Variants in EBF1 observed in about 807,000 individuals in gnomAD.
The protein encoded by EBF1 is EBF transcription factor 1.
EBF1 carries 10 observed loss-of-function variants against 68.4 expected under a neutral mutation model. That is an observed-to-expected ratio of 0.15 (90% CI 0.09 to 0.25). EBF1 has a LOEUF of 0.25. Ranked by LOEUF, EBF1 falls within the 10% of genes least tolerant of loss-of-function variation. The probability of loss-of-function intolerance (pLI) is 1.00; values close to 1 mark genes in which losing one functional copy is unlikely to be tolerated. For synonymous variants in EBF1, 298 were observed against 299.8 expected (o/e 0.99, Z 0.06); for missense variants, 509 against 794.4 (o/e 0.64, Z 4.32).
intron 6 of EBF1, among the ~76,000 whole-genome samples, chr5:159,072,091 G>A (rs1777894914): frequency 6.6e-6 from 1 of 152,140 alleles, no homozygotes; most frequent in African/African-American, 2.4e-5. Context: ...TCTATAGGTA[G>A]CACACACATC....
chr5:158,975,745 G>T (rs1756602278), intron 6 of EBF1, among the ~76,000 whole-genome samples: 1 of 152,172 alleles, frequency 6.6e-6, no homozygotes, highest in Non-Finnish European at 1.5e-5. Context: ...ACAACTGGGG[G>T]GTCAGAGCTG....
chr5:158,869,744 T>C (rs1246600632), intron 6 of EBF1, among the ~76,000 whole-genome samples: 1 of 152,204 alleles, frequency 6.6e-6, no homozygotes, highest in Non-Finnish European at 1.5e-5. Flanking sequence ...ATGCATGACA[T>C]ATTCACTACT....
Position 159,099,617 on chromosome 5 carries a change from C to A in EBF1, c.-139G>T. 1 of 1,206,206 alleles carries A rather than the reference C, an allele frequency of 8.3e-7. No homozygotes were observed. Among genetic ancestry groups the A allele is most frequent in the Non-Finnish European group, 1.1e-6 (1 of 910,202 alleles). The allele number at this position is 1,206,206 out of a possible 1,614,324, so 74.7% of individuals were successfully genotyped here. ...TTTTTTTTCTCAGACGATGAACTCG[C>A]ACTTAGAAGATCAAGGCGGGCTGGA... is the stretch of plus-strand genomic sequence containing the variant. On this transcript the variant is annotated 5_prime_UTR_variant, in exon 1 of 16. Coordinates refer to ENST00000313708, the MANE Select transcript of EBF1 (RefSeq NM_024007.5).
At chr5:158,777,052 G>A (rs1018917497) in intron 10 of EBF1, among the ~76,000 whole-genome samples, 6 of 152,154 alleles carry the variant, frequency 3.9e-5, no homozygotes, top group African/African-American at 1.2e-4. Context: ...GAGGAAAGAC[G>A]TACTGTTCAT....
intron 5 of EBF1, chr5:159,073,699 G>C: frequency 9.6e-6 from 5 of 521,524 alleles, no homozygotes; most frequent in Non-Finnish European, 3.4e-6. Context: ...CTCTCCCAGA[G>C]CCAAGACTCA....
At chr5:158,811,592 A>G (rs939400760) in intron 8 of EBF1, among the ~76,000 whole-genome samples, 3 of 152,200 alleles carry the variant, frequency 2.0e-5, no homozygotes, top group Non-Finnish European at 2.9e-5. Context: ...AAAAGAGATC[A>G]TACAAAGTGC....
intron 6 of EBF1, among the ~76,000 whole-genome samples, chr5:159,031,227 G>A (rs1768778852): frequency 6.6e-6 from 1 of 152,190 alleles, no homozygotes; most frequent in South Asian, 2.1e-4. Flanking sequence ...GCTGGGATGT[G>A]GAGAAGAGGT....
intron 6 of EBF1, among the ~76,000 whole-genome samples, chr5:158,969,179 GTAATCTCAGC>G (rs1340800330): frequency 6.6e-6 from 1 of 152,068 alleles, no homozygotes; most frequent in East Asian, 1.9e-4. Flanking sequence ...GTGTGCACCT[GTAATCTCAGC>G]TACACAGGAG....
chr5:158,776,223 G>C (rs915347483), intron 10 of EBF1, among the ~76,000 whole-genome samples: 1 of 151,954 alleles, frequency 6.6e-6, no homozygotes, highest in African/African-American at 2.4e-5. Context: ...AAAACTAATC[G>C]TCAGGCAGGC....
At chr5:158,850,542 C>T (rs1433357800) in intron 6 of EBF1, among the ~76,000 whole-genome samples, 1 of 152,122 alleles carries the variant, frequency 6.6e-6, no homozygotes, top group African/African-American at 2.4e-5. Flanking sequence ...CCACTTGGAC[C>T]AGAGGGGCAT....
At chr5:158,940,261 G>A (rs569262767) in intron 6 of EBF1, among the ~76,000 whole-genome samples, 6 of 152,308 alleles carry the variant, frequency 3.9e-5, no homozygotes, top group African/African-American at 7.2e-5. Context: ...TGTGCAGGAC[G>A]GTTTCTCAGT....
intron 6 of EBF1, among the ~76,000 whole-genome samples, chr5:159,043,023 T>C (rs373442713): frequency 5.3e-5 from 8 of 152,296 alleles, no homozygotes; most frequent in Middle Eastern, 3.4e-3. Flanking sequence ...ATAATAATAG[T>C]AGCTGATATT....
intron 6 of EBF1, among the ~76,000 whole-genome samples, chr5:159,067,521 T>G (rs73305710): frequency 0.01 from 1,558 of 152,340 alleles, 26 homozygotes; most frequent in African/African-American, 0.036. Flanking sequence ...TATGATACAT[T>G]GTCAGCGTAT....
At chr5:158,761,286 C>G (rs934172049) in intron 10 of EBF1, among the ~76,000 whole-genome samples, 3 of 152,190 alleles carry the variant, frequency 2.0e-5, no homozygotes, top group Non-Finnish European at 4.4e-5. Context: ...ATCAGCAAAT[C>G]AAATCATGTA....
intron 5 of EBF1, among the ~76,000 whole-genome samples, chr5:159,080,039 C>T (rs1019044829): frequency 2.4e-4 from 36 of 152,268 alleles, no homozygotes; most frequent in African/African-American, 8.4e-4. Context: ...TCTTTCTATT[C>T]TCCCTCCCTT....
intron 10 of EBF1, among the ~76,000 whole-genome samples, chr5:158,774,542 G>T (rs1404543816): frequency 6.6e-6 from 1 of 152,022 alleles, no homozygotes; most frequent in Non-Finnish European, 1.5e-5. Flanking sequence ...ACCCAATCCA[G>T]AAAACCAAGC....
intron 6 of EBF1, among the ~76,000 whole-genome samples, chr5:159,065,285 A>G (rs1012625756): frequency 2.6e-5 from 4 of 152,116 alleles, no homozygotes; most frequent in Admixed American, 2.0e-4. Flanking sequence ...TGACCATTAG[A>G]AAAGTTACCC....
At chr5:158,945,091 C>G (rs929763122) in intron 6 of EBF1, among the ~76,000 whole-genome samples, 1 of 152,142 alleles carries the variant, frequency 6.6e-6, no homozygotes, top group Admixed American at 6.5e-5. Flanking sequence ...TCCCATTTGT[C>G]AATGTTGGCT....
chr5:159,051,615 T>A (rs1357283403), intron 6 of EBF1, among the ~76,000 whole-genome samples: 1 of 151,608 alleles, frequency 6.6e-6, no homozygotes, highest in Admixed American at 6.6e-5. Flanking sequence ...CTGCCCACAG[T>A]GCGCTCGGCA....
Sources: allele counts gnomAD v4.1 joint callset (sites outside exome capture counted in the v4.1 genomes callset), GRCh38; gene constraint gnomAD v4.1.1; transcripts MANE v1.5; gene names NCBI Gene and HGNC (gene_info 2026-07-23, HGNC 2026-07-21).